Variants in SLC43A1 observed in about 807,000 individuals in gnomAD.
SLC43A1 encodes the protein large neutral amino acids transporter small subunit 3.
In SLC43A1, 31 loss-of-function variants were observed where a neutral mutation model predicts 59.5. The observed-to-expected ratio is 0.52, with a 90% CI of 0.39 to 0.70. The LOEUF is 0.70. SLC43A1 is among the 30% of genes least tolerant of loss of function. SLC43A1 has a pLI of 0.00. For missense variants in SLC43A1, 598 were observed against 717.8 expected, an observed-to-expected ratio of 0.83 and a Z score of 1.91; for synonymous variants, 259 against 290.9, an observed-to-expected ratio of 0.89 and a Z score of 1.12.
chr11:57,493,045 G>C (rs569971618), intron 8 of SLC43A1, among the ~76,000 whole-genome samples: 13 of 151,966 alleles, frequency 8.6e-5, no homozygotes, highest in African/African-American at 2.9e-4. Flanking sequence ...ATCTCGGGGC[G>C]GGGGGGAAAG....
At chr11:57,511,302 C>T (rs975009888) in intron 2 of SLC43A1, among the ~76,000 whole-genome samples, 2 of 151,762 alleles carry the variant, frequency 1.3e-5, no homozygotes, top group Non-Finnish European at 2.9e-5. Flanking sequence ...TTGATGCGGG[C>T]CTGTAGTCCC....
intron 7 of SLC43A1, 42 bp downstream of exon 7, chr11:57,495,987 CCT>C (rs1944070889): frequency 6.2e-7 from 1 of 1,604,294 alleles, no homozygotes; most frequent in East Asian, 2.2e-5. Context: ...TCACCACAGC[CCT>C]CTCTGCCCCA....
In SLC43A1 at chr11:57,489,235, G is replaced by T; in HGVS notation, c.1335+16C>A. The stretch of plus-strand genomic sequence containing the variant: ...GCCTCGGGAGGCAGGGAGAGGGGAA[G>T]GATGAAGGTGGGTACCTGGAGGTGT... On this transcript the variant is annotated intron_variant, in intron 12 of 14. Coordinates refer to ENST00000278426, the MANE Select transcript of SLC43A1 (RefSeq NM_003627.6). The T allele has an allele frequency of 6.2e-7, 1 of 1,614,088 alleles. No homozygotes were observed. The highest frequency in any genetic ancestry group is 1.3e-5 in the African/African-American group (1 of 75,050).
At chr11:57,485,704 C>T (rs1382727709) in intron 14 of SLC43A1, among the ~76,000 whole-genome samples, 3 of 152,192 alleles carry the variant, frequency 2.0e-5, no homozygotes, top group Non-Finnish European at 2.9e-5. Context: ...GCCCAGGACA[C>T]GCGGGCTCTG....
intron 13 of SLC43A1, among the ~76,000 whole-genome samples, chr11:57,488,657 T>G (rs1021329543): frequency 6.6e-6 from 1 of 152,084 alleles, no homozygotes; most frequent in African/African-American, 2.4e-5. Flanking sequence ...GGGAGGCCAT[T>G]CTGGGGGCCG....
chr11:57,494,993 C>T (rs1222182861), intron 7 of SLC43A1, among the ~76,000 whole-genome samples: 5 of 151,824 alleles, frequency 3.3e-5, no homozygotes, highest in African/African-American at 1.2e-4. Flanking sequence ...GGATTACAGG[C>T]ATGCACCACC....
intron 2 of SLC43A1, among the ~76,000 whole-genome samples, chr11:57,507,395 A>G (rs1404304443): frequency 6.6e-6 from 1 of 152,182 alleles, no homozygotes; most frequent in East Asian, 1.9e-4. Flanking sequence ...ACTTGAACCC[A>G]GGAGGCGGAG....
intron 7 of SLC43A1, chr11:57,494,543 GT>G: frequency 3.8e-6 from 1 of 265,798 alleles, no homozygotes; most frequent in Non-Finnish European, 7.2e-6. Flanking sequence ...TATTAATGGG[GT>G]TAATACCCAA....
At chr11:57,503,759 C>A (rs972813949) in intron 2 of SLC43A1, among the ~76,000 whole-genome samples, 6 of 152,186 alleles carry the variant, frequency 3.9e-5, no homozygotes, top group Non-Finnish European at 5.9e-5. Context: ...AGGCTGCACA[C>A]CGGTGACCAG....
At chr11:57,494,592 T>C (rs570112065) in intron 7 of SLC43A1, 1 of 187,216 alleles carries the variant, frequency 5.3e-6, no homozygotes, top group Admixed American at 6.4e-5. Flanking sequence ...GTATAGGGGC[T>C]AAGTACAGTG....
chr11:57,500,521 C>A (rs1488990601), intron 5 of SLC43A1, among the ~76,000 whole-genome samples: 1 of 152,206 alleles, frequency 6.6e-6, no homozygotes, highest in Non-Finnish European at 1.5e-5. Flanking sequence ...TAGAACAGAG[C>A]TCCATGGACA....
chr11:57,492,206 A>T (rs991464115), intron 8 of SLC43A1, among the ~76,000 whole-genome samples: 51 of 142,276 alleles, frequency 3.6e-4, no homozygotes, highest in East Asian at 4.0e-4. Context: ...TATCTCTAAA[A>T]ATATATATAT....
intron 2 of SLC43A1, among the ~76,000 whole-genome samples, chr11:57,512,421 G>A (rs529494926): frequency 1.1e-4 from 16 of 151,990 alleles, no homozygotes; most frequent in Admixed American, 7.2e-4. Context: ...GTGAAAGCCC[G>A]TCTCTACTAA....
intron 2 of SLC43A1, among the ~76,000 whole-genome samples, chr11:57,504,765 T>C (rs1342070405): frequency 6.6e-6 from 1 of 152,226 alleles, no homozygotes; most frequent in East Asian, 1.9e-4. Flanking sequence ...AGAAAGGACA[T>C]GTGCTCTTCC....
rs780036755 is a variant in SLC43A1 at position 57,501,160 on chromosome 11, C to A, written c.324G>T (p.Leu108=). 36 of 1,612,558 alleles carry A rather than the reference C, an allele frequency of 2.2e-5. No homozygotes were observed. The highest frequency in any genetic ancestry group is 8.5e-7 in the Non-Finnish European group (1 of 1,179,946). ...TAGCCCAGCCACCTCACCTGCCAAC[C>A]AGCCGCACGGGTCGGGGGCCAAAGC... The part of the protein sequence containing the change: ...MDRFGPRPVR[L]VGSACFTASC... The change falls in exon 3 of 15, where the codon CTG becomes CTT. Residue 108 remains leucine (L), a synonymous_variant. Coordinates refer to ENST00000278426, the MANE Select transcript of SLC43A1 (RefSeq NM_003627.6).
At chr11:57,501,812 C>T (rs1376558766) in intron 2 of SLC43A1, among the ~76,000 whole-genome samples, 2 of 152,180 alleles carry the variant, frequency 1.3e-5, no homozygotes, top group Non-Finnish European at 2.9e-5. Context: ...CCAGCCTGGG[C>T]AACATGGTAA....
At chr11:57,505,168 T>C (rs944066078) in intron 2 of SLC43A1, among the ~76,000 whole-genome samples, 1 of 152,212 alleles carries the variant, frequency 6.6e-6, no homozygotes, top group Non-Finnish European at 1.5e-5. Context: ...GGAAGTAACA[T>C]GGAGCAGTTT....
At chr11:57,485,339 G>C in intron 14 of SLC43A1, 97 bp from the exon 15 acceptor site, 1 of 1,169,490 alleles carries the variant, frequency 8.6e-7, no homozygotes, top group Non-Finnish European at 1.2e-6. Context: ...TCCAGGTCCT[G>C]AGCCAGAATA....
chr11:57,508,644 A>G (rs1026394874), intron 2 of SLC43A1, among the ~76,000 whole-genome samples: 1 of 152,142 alleles, frequency 6.6e-6, no homozygotes, highest in African/African-American at 2.4e-5. Context: ...AAATTAAAAA[A>G]TTAGCCAGGT....
Sources: allele counts gnomAD v4.1 joint callset (sites outside exome capture counted in the v4.1 genomes callset), GRCh38; gene constraint gnomAD v4.1.1; transcripts MANE v1.5; gene names NCBI Gene and HGNC (gene_info 2026-07-23, HGNC 2026-07-21).